Variants in PLD5 observed in about 807,000 individuals in gnomAD.
The protein encoded by PLD5 is inactive phospholipase D5.
A neutral mutation model predicts 61.1 loss-of-function variants in PLD5; 36 were observed. The observed-to-expected ratio is 0.59, with a 90% confidence interval of 0.45 to 0.78. PLD5 has a LOEUF of 0.78. Ranked by LOEUF, PLD5 falls within the 30% of genes least tolerant of loss-of-function variation. The pLI, the probability that PLD5 is intolerant of heterozygous loss-of-function variation, is 0.00. For missense variants in PLD5, 515 were observed against 644.4 expected, an observed-to-expected ratio of 0.80 and a Z score of 2.17; for synonymous variants, 243 against 242.8, an observed-to-expected ratio of 1.00 and a Z score of -0.01.
intron 1 of PLD5, among the ~76,000 whole-genome samples, chr1:242,391,604 C>G (rs1662938157): frequency 6.6e-6 from 1 of 152,070 alleles, no homozygotes; most frequent in Admixed American, 6.5e-5. Flanking sequence ...ACCCATTTGA[C>G]CAAAGAAAAG....
intron 2 of PLD5, among the ~76,000 whole-genome samples, chr1:242,300,163 G>A (rs1408882197): frequency 6.6e-6 from 1 of 152,206 alleles, no homozygotes; most frequent in Non-Finnish European, 1.5e-5. Context: ...TATCAGCCAG[G>A]CATAGTGGCT....
At chr1:242,417,773 C>T (rs531150266) in intron 1 of PLD5, among the ~76,000 whole-genome samples, 8 of 152,112 alleles carry the variant, frequency 5.3e-5, no homozygotes, top group Non-Finnish European at 8.8e-5. Flanking sequence ...GAGGCCAGTA[C>T]GGGGGATGGT....
chr1:242,274,685 C>T (rs935804374), intron 3 of PLD5, among the ~76,000 whole-genome samples: 12 of 151,826 alleles, frequency 7.9e-5, no homozygotes, highest in African/African-American at 2.4e-4. Flanking sequence ...ACCCGGGAAG[C>T]GGGGGTTGCA....
intron 1 of PLD5, among the ~76,000 whole-genome samples, chr1:242,480,612 G>C (rs1667740359): frequency 6.6e-6 from 1 of 152,144 alleles, no homozygotes; most frequent in African/African-American, 2.4e-5. Flanking sequence ...GCTGACAAGA[G>C]TTTTATATCT....
At chr1:242,213,510 C>T (rs755241858) in intron 5 of PLD5, among the ~76,000 whole-genome samples, 2 of 152,046 alleles carry the variant, frequency 1.3e-5, no homozygotes, top group Non-Finnish European at 2.9e-5. Flanking sequence ...TACATACTAA[C>T]GTCCCGGTCA....
intron 4 of PLD5, among the ~76,000 whole-genome samples, chr1:242,222,895 C>T (rs1038191293): frequency 6.6e-6 from 1 of 152,204 alleles, no homozygotes; most frequent in South Asian, 2.1e-4. Context: ...CAAAGCTTTA[C>T]TGAATATCTA....
rs535876596 is a variant in PLD5 at position 242,284,897 on chromosome 1, T to TC, written c.495+3464dup. 3.5e-4 allele frequency among the ~76,000 whole-genome samples: 53 copies of TC among 152,086 alleles called. 1 individual carries two copies. In the East Asian group the frequency reaches 0.01, roughly 29 times the overall value. On this transcript the variant is annotated intron_variant, in intron 3 of 9. Coordinates refer to ENST00000536534, the MANE Select transcript of PLD5 (RefSeq NM_001372062.1). ...TCCTTCATGTTTGCAAAGGCAGATCTCCCCCTTGTAAAGAGGCAAAGCAAA... is the reference window on the plus strand; with the variant it reads ...TCCTTCATGTTTGCAAAGGCAGATCTCCCCCCTTGTAAAGAGGCAAAGCAAA...
At chr1:242,392,483 T>A (rs1002687512) in intron 1 of PLD5, among the ~76,000 whole-genome samples, 4 of 152,218 alleles carry the variant, frequency 2.6e-5, no homozygotes, top group South Asian at 2.1e-4. Context: ...TGGTGCCGAC[T>A]GTGGCTTCTC....
At chr1:242,267,695 T>C (rs111739640) in intron 3 of PLD5, among the ~76,000 whole-genome samples, 26,257 of 146,984 alleles carry the variant, frequency 0.18, 4,620 homozygotes, top group East Asian at 0.6. Flanking sequence ...GCCTGGGCAA[T>C]ATCAGGAGAC....
At chr1:242,403,343 C>A (rs1217493539) in intron 1 of PLD5, among the ~76,000 whole-genome samples, 1 of 152,216 alleles carries the variant, frequency 6.6e-6, no homozygotes, top group Non-Finnish European at 1.5e-5. Context: ...CCCAGAGAAC[C>A]TTCCCTGCAA....
At chr1:242,161,015 CT>C (rs1006588145) in intron 5 of PLD5, among the ~76,000 whole-genome samples, 2 of 146,104 alleles carry the variant, frequency 1.4e-5, no homozygotes, top group East Asian at 2.0e-4. Flanking sequence ...CTTATATTAT[CT>C]TTTTTTATCA....
rs1663464295 is a variant in PLD5, at chr1:242,395,043, G to GTATATATGAATGTATATGTA, written c.190-46802_190-46801insTACATATACATTCATATATA. Among the ~76,000 whole-genome samples, 20 of 67,454 alleles carry GTATATATGAATGTATATGTA rather than the reference G, an allele frequency of 3.0e-4. 2 individuals carry two copies. The highest frequency in any genetic ancestry group is 1.9e-3 in the Admixed American group (11 of 5,652). The allele number at this position is 67,454 out of a possible 152,430, so 44.3% of individuals were successfully genotyped here. ...TATATATGTATATATGAATGTATAT[G>GTATATATGAATGTATATGTA]TATATATGAATATATATGTATATAT... On this transcript the variant is annotated intron_variant, in intron 1 of 9. Transcript: ENST00000536534.
At chr1:242,170,534 C>T (rs1666670383) in intron 5 of PLD5, among the ~76,000 whole-genome samples, 1 of 152,066 alleles carries the variant, frequency 6.6e-6, no homozygotes, top group African/African-American at 2.4e-5. Context: ...AGCAAGGGAA[C>T]AAAATGGGAT....
In PLD5 at chr1:242,338,895, C is replaced by T. The variant is rs200683537; in HGVS notation, c.326+9211G>A. On this transcript the variant is annotated intron_variant, in intron 2 of 9. Coordinates refer to ENST00000536534, the MANE Select transcript of PLD5 (RefSeq NM_001372062.1). ...GTTTGGAGACTTCTCTTTTCCTTCA[C>T]TTAAAATCAAGCTATCTCCCATTTC... 4.6e-5 allele frequency among the ~76,000 whole-genome samples: 7 copies of T among 152,244 alleles called. No individual in the cohort carries two copies. The East Asian group carries it at 1.2e-3, about 25-fold the overall frequency.
At chr1:242,270,765 A>C (rs919454628) in intron 3 of PLD5, among the ~76,000 whole-genome samples, 1 of 152,166 alleles carries the variant, frequency 6.6e-6, no homozygotes, top group Admixed American at 6.5e-5. Context: ...CCTAAACCCA[A>C]GGCTGGGTAT....
intron 1 of PLD5, among the ~76,000 whole-genome samples, chr1:242,517,899 T>C (rs1470003854): frequency 6.6e-6 from 1 of 152,202 alleles, no homozygotes; most frequent in Non-Finnish European, 1.5e-5. Flanking sequence ...TGGTATTTTT[T>C]TTTTATGTCA....
intron 3 of PLD5, among the ~76,000 whole-genome samples, chr1:242,282,882 T>C (rs551913715): frequency 2.0e-5 from 3 of 152,312 alleles, no homozygotes; most frequent in African/African-American, 7.2e-5. Flanking sequence ...CCATGTATTT[T>C]CATAAAATTC....
rs189844926 is a variant in PLD5, at chr1:242,263,126, A to G, written c.607+2211T>C. ...CAGAAGGGCCTTGGCCAGCTGTCTCACTTCTCCAGCCTGCCTGGCCTTTTT... is the reference window on the plus strand; with the variant it reads ...CAGAAGGGCCTTGGCCAGCTGTCTCGCTTCTCCAGCCTGCCTGGCCTTTTT... On this transcript the variant is annotated intron_variant, in intron 4 of 9. Coordinates refer to ENST00000536534, the MANE Select transcript of PLD5 (RefSeq NM_001372062.1). Among the ~76,000 whole-genome samples, 291 of 152,244 alleles carry G rather than the reference A, an allele frequency of 1.9e-3. 1 individual carries two copies. The highest frequency in any genetic ancestry group is 3.4e-3 in the Middle Eastern group (1 of 294).
chr1:242,230,193 CAT>C (rs1671212135), intron 4 of PLD5, among the ~76,000 whole-genome samples: 1 of 152,194 alleles, frequency 6.6e-6, no homozygotes, highest in South Asian at 2.1e-4. Flanking sequence ...TGCCTAATCC[CAT>C]ATGTCTACCA....
Sources: gnomAD v4.1 joint callset for allele counts (sites outside exome capture counted in the v4.1 genomes callset) on GRCh38, gnomAD v4.1.1 for gene constraint, MANE v1.5 for transcripts, NCBI Gene and HGNC (gene_info 2026-07-23, HGNC 2026-07-21) for gene names.